Variants in KCNIP4 observed in about 807,000 individuals in gnomAD.
KCNIP4 encodes Kv channel-interacting protein 4.
Under a neutral mutation model 34.0 loss-of-function variants are expected in KCNIP4, and 12 were observed. That is an observed-to-expected ratio of 0.35 (90% CI 0.23 to 0.57). KCNIP4 has a LOEUF of 0.57. Among genes scored for constraint, KCNIP4 ranks in the 20% least tolerant of loss-of-function variants. The pLI, the probability that KCNIP4 is intolerant of heterozygous loss-of-function variation, is 0.83. For missense variants in KCNIP4, 238 were observed against 311.7 expected (o/e 0.76, Z 1.78); for synonymous variants, 124 against 102.2 (o/e 1.21, Z -1.29).
At chr4:21,451,710 G>A (rs181775494) in intron 1 of KCNIP4, among the ~76,000 whole-genome samples, 51 of 152,176 alleles carry the variant, frequency 3.4e-4, no homozygotes, top group South Asian at 2.1e-3. Flanking sequence ...TACCAAACAC[G>A]TCAGTGGTGT....
intron 1 of KCNIP4, among the ~76,000 whole-genome samples, chr4:21,049,394 A>G (rs1742736839): frequency 6.6e-6 from 1 of 152,190 alleles, no homozygotes; most frequent in Admixed American, 6.5e-5. Flanking sequence ...GTGGTCTTTA[A>G]TATTATGCAG....
At chr4:20,873,067 A>G (rs112843750) in intron 2 of KCNIP4, among the ~76,000 whole-genome samples, 2 of 152,262 alleles carry the variant, frequency 1.3e-5, no homozygotes, top group African/African-American at 4.8e-5. Flanking sequence ...TTGTTTTTCA[A>G]TATTTCCAAT....
At chr4:21,732,405 G>A (rs1478837706) in intron 1 of KCNIP4, among the ~76,000 whole-genome samples, 1 of 152,142 alleles carries the variant, frequency 6.6e-6, no homozygotes, top group Non-Finnish European at 1.5e-5. Flanking sequence ...TTCCCGAGAA[G>A]TGAGAAAGCA....
At chr4:21,422,277 T>C (rs1393757942) in intron 1 of KCNIP4, among the ~76,000 whole-genome samples, 1 of 151,548 alleles carries the variant, frequency 6.6e-6, no homozygotes, top group Admixed American at 6.6e-5. Flanking sequence ...CTCGGCTCAC[T>C]GCAACCTCCG....
At chr4:21,152,754 T>C (rs1015211565) in intron 1 of KCNIP4, among the ~76,000 whole-genome samples, 3 of 152,168 alleles carry the variant, frequency 2.0e-5, no homozygotes, top group African/African-American at 7.2e-5. Flanking sequence ...TATTATCACC[T>C]GAGCTCCGCC....
At chr4:21,405,035 T>C (rs1723852975) in intron 1 of KCNIP4, among the ~76,000 whole-genome samples, 1 of 152,174 alleles carries the variant, frequency 6.6e-6, no homozygotes, top group African/African-American at 2.4e-5. Flanking sequence ...ACTCACACTC[T>C]GGGTTCATCT....
At chr4:21,457,202 G>A (rs1294311280) in intron 1 of KCNIP4, among the ~76,000 whole-genome samples, 1 of 152,006 alleles carries the variant, frequency 6.6e-6, no homozygotes, top group Non-Finnish European at 1.5e-5. Flanking sequence ...TCAGGTCTCA[G>A]CTTATGATCA....
chr4:21,400,539 T>C lies in KCNIP4; in HGVS notation c.62-517830A>G, dbSNP rs1351657430. On this transcript the variant is annotated intron_variant, in intron 1 of 8. Coordinates refer to ENST00000382152, the MANE Select transcript of KCNIP4 (RefSeq NM_025221.6). ...TCTTCTCTTCTCTTCTCTTCTCTTC[T>C]CTTCTCTTCTCTTCTCTTCTCTTCT... 2.9e-4 allele frequency among the ~76,000 whole-genome samples: 27 copies of C among 93,172 alleles called. 1 individual carries two copies. The highest frequency in any genetic ancestry group is 1.5e-3 in the African/African-American group (27 of 18,038). The allele number at this position is 93,172 out of a possible 152,430, so 61.1% of individuals were successfully genotyped here.
intron 1 of KCNIP4, among the ~76,000 whole-genome samples, chr4:21,680,079 T>C (rs1293325614): frequency 1.3e-5 from 2 of 152,210 alleles, no homozygotes; most frequent in Admixed American, 6.5e-5. Context: ...TCTGATGCTG[T>C]TTGATAACAT....
At chr4:21,204,598 T>C (rs998416186) in intron 1 of KCNIP4, among the ~76,000 whole-genome samples, 6 of 152,176 alleles carry the variant, frequency 3.9e-5, no homozygotes, top group African/African-American at 1.4e-4. Flanking sequence ...TCCATGAAAT[T>C]AAAATTTCAA....
intron 3 of KCNIP4, among the ~76,000 whole-genome samples, chr4:20,778,501 T>C (rs1756575232): frequency 6.6e-6 from 1 of 152,198 alleles, no homozygotes; most frequent in Admixed American, 6.5e-5. Flanking sequence ...TGGGGAAATC[T>C]GAATAAGATC....
intron 1 of KCNIP4, among the ~76,000 whole-genome samples, chr4:20,922,213 A>T (rs1208967757): frequency 6.6e-6 from 1 of 152,204 alleles, no homozygotes; most frequent in Non-Finnish European, 1.5e-5. Context: ...TTCTGGGTAT[A>T]TCTGTGAGGG....
chr4:21,435,081 G>A (rs1726831689), intron 1 of KCNIP4, among the ~76,000 whole-genome samples: 1 of 152,114 alleles, frequency 6.6e-6, no homozygotes, highest in African/African-American at 2.4e-5. Context: ...TTGAAAACAG[G>A]GGTCGCTCTT....
rs1553901019 is a variant in KCNIP4, at chr4:21,541,196, A to AG, written c.61+407374_61+407375insC. On this transcript the variant is annotated intron_variant, in intron 1 of 8. Transcript: ENST00000382152. ...AAAAGAAAACAAAAAAAAAAAAAAA[A>AG]AGAGAGAGAGAGAGAGATGAAAAAA... is the stretch of plus-strand genomic sequence containing the variant. Among the ~76,000 whole-genome samples the AG allele has an allele frequency of 7.2e-3, 1,060 of 146,748 alleles. 11 individuals carry two copies. Among genetic ancestry groups the AG allele is most frequent in the African/African-American group, 0.026 (987 of 37,538 alleles).
At chr4:21,249,749 T>C (rs1760550135) in intron 1 of KCNIP4, among the ~76,000 whole-genome samples, 1 of 152,150 alleles carries the variant, frequency 6.6e-6, no homozygotes. Flanking sequence ...TTTAAATTAG[T>C]TCACTCTTCA....
intron 1 of KCNIP4, among the ~76,000 whole-genome samples, chr4:21,478,313 C>T (rs1225771151): frequency 1.3e-5 from 2 of 151,942 alleles, no homozygotes; most frequent in African/African-American, 4.8e-5. Context: ...TTCATGTCCC[C>T]CTTTAACCTA....
chr4:20,870,885 C>T (rs1379671271), intron 2 of KCNIP4, among the ~76,000 whole-genome samples: 1 of 152,112 alleles, frequency 6.6e-6, no homozygotes, highest in Non-Finnish European at 1.5e-5. Flanking sequence ...TCAACCTTCT[C>T]TGTCTCTATT....
intron 1 of KCNIP4, among the ~76,000 whole-genome samples, chr4:21,410,139 C>G (rs1439875343): frequency 2.6e-5 from 4 of 152,014 alleles, no homozygotes; most frequent in African/African-American, 7.2e-5. Context: ...ATATTTTGTT[C>G]AAATTAACAA....
intron 1 of KCNIP4, among the ~76,000 whole-genome samples, chr4:21,617,790 C>G (rs536246181): frequency 1.3e-5 from 2 of 152,250 alleles, no homozygotes; most frequent in East Asian, 3.9e-4. Flanking sequence ...TGGGCTGTTT[C>G]AAACACCCCC....
Sources: allele counts gnomAD v4.1 joint callset (sites outside exome capture counted in the v4.1 genomes callset), GRCh38; gene constraint gnomAD v4.1.1; transcripts MANE v1.5; gene names NCBI Gene and HGNC (gene_info 2026-07-23, HGNC 2026-07-21).